The following ACOX3 variants were observed in gnomAD, a reference collection of about 807,000 sequenced individuals.
ACOX3 encodes peroxisomal acyl-coenzyme A oxidase 3.
A neutral mutation model predicts 81.5 loss-of-function variants in ACOX3; 73 were observed. That is an observed-to-expected ratio of 0.90 (90% CI 0.74 to 1.09). The LOEUF (loss-of-function observed/expected upper bound fraction) is 1.09. Ranked by LOEUF, ACOX3 falls within the 50% of genes least tolerant of loss-of-function variation. The pLI, the probability that ACOX3 is intolerant of heterozygous loss-of-function variation, is 0.00. For missense variants in ACOX3, 947 were observed against 928.0 expected (o/e 1.02, Z -0.27); for synonymous variants, 387 against 375.1 (o/e 1.03, Z -0.37).
rs1260061505 is a variant in ACOX3, at chr4:8,375,048, G to T, written c.1758C>A (p.Ala586=). Residue 586 remains alanine (A), a synonymous_variant, in exon 15 of 18, where the codon GCC becomes GCA. Transcript: ENST00000356406. ...HQPSVPPSLR[A]VLGRLSALYA... is the part of the protein sequence containing the mutation. ...ACAGAGCACTGAGCCGCCCCAGCAC[G>T]GCCCGCAGCGAGGGCGGCACGGAAG... is the stretch of plus-strand genomic sequence containing the variant. 2.6e-6 allele frequency: 4 copies of T among 1,554,798 alleles called. No individual in the cohort carries two copies. The highest frequency in any genetic ancestry group is 3.5e-6 in the Non-Finnish European group (4 of 1,148,988).
intron 7 of ACOX3, among the ~76,000 whole-genome samples, chr4:8,403,428 G>A (rs1236344885): frequency 6.6e-6 from 1 of 152,180 alleles, no homozygotes; most frequent in African/African-American, 2.4e-5. Context: ...CAGGCCGCCT[G>A]CATCACCCCG....
At position 8,426,807 on chromosome 4, in the gene ACOX3, G is replaced by A. The variant is rs142749840; in HGVS notation, c.-14-10272C>T. Among the ~76,000 whole-genome samples, 451 of 152,188 alleles carry A rather than the reference G, an allele frequency of 3.0e-3. 2 individuals are homozygous for A. The highest frequency in any genetic ancestry group is 6.0e-3 in the Admixed American group (92 of 15,290). On this transcript the variant is annotated intron_variant, in intron 1 of 17. Transcript: ENST00000356406. ...GTGAAACTACAAATGTTCTTCAAAT[G>A]GAGCCCCAGATGCAGTCCATGACTA...
chr4:8,421,781 T>A lies in ACOX3; in HGVS notation c.-14-5246A>T, dbSNP rs73087795. 6.1e-3 allele frequency among the ~76,000 whole-genome samples: 930 copies of A among 152,282 alleles called. 7 individuals carry two copies. The highest frequency in any genetic ancestry group is 0.021 in the African/African-American group (890 of 41,564). Reference sequence around the variant, plus strand: ...CAATTTAGATATACAGCTCTCGACATGGGAAGTTATGTGGGACCTACCACC... The same window carrying A: ...CAATTTAGATATACAGCTCTCGACAAGGGAAGTTATGTGGGACCTACCACC... On this transcript the variant is annotated intron_variant, in intron 1 of 17. Transcript: ENST00000356406.
At chr4:8,356,379 A>T in the ACOX3 span, 1 of 379,990 alleles carries the variant, frequency 2.6e-6, no homozygotes, top group Admixed American at 3.1e-5. Context: ...ACTGGGACCA[A>T]CTCACGCACA....
downstream of ACOX3, among the ~76,000 whole-genome samples, chr4:8,365,010 C>T (rs1715333592): frequency 6.6e-6 from 1 of 152,116 alleles, no homozygotes; most frequent in South Asian, 2.1e-4. Context: ...CTTAGAAAAG[C>T]TACAGGTCTA....
chr4:8,370,420 A>C lies in ACOX3; in HGVS notation c.1983+488T>G, dbSNP rs1442664717. 1.3e-5 allele frequency among the ~76,000 whole-genome samples: 2 copies of C among 152,044 alleles called. No individual in the cohort carries two copies. Among genetic ancestry groups the C allele is most frequent in the Non-Finnish European group, 2.9e-5 (2 of 67,982 alleles). On this transcript the variant is annotated intron_variant, in intron 17 of 17. Transcript: ENST00000356406. The surrounding 1 kb of genome is among the most constrained non-coding windows in gnomAD (Gnocchi z 6.3). ...GGGGCAGGAGGAGAGCTGAGGAGCC[A>C]CAGGGAGGCGGTTGGGGGAAAGCGG...
intron 16 of ACOX3, among the ~76,000 whole-genome samples, chr4:8,373,283 A>G (rs1668256762): frequency 6.6e-6 from 1 of 151,818 alleles, no homozygotes; most frequent in South Asian, 2.1e-4. Context: ...TTTACTAAAC[A>G]CTGAACACAC....
rs748555629 is a variant in ACOX3 at position 8,405,925 on chromosome 4, G to C, written c.776+30C>G. 2 of 1,600,990 alleles carry C rather than the reference G, an allele frequency of 1.2e-6. No homozygotes were observed. Among genetic ancestry groups the C allele is most frequent in the South Asian group, 2.2e-5 (2 of 90,840 alleles). ...AACGCAGCCTGGGCCTTGGCAGGAA[G>C]CTCAGGGCTCAGCAGCCTCTGTCAC... is the stretch of plus-strand genomic sequence containing the variant. On this transcript the variant is annotated intron_variant, in intron 7 of 17. Transcript: ENST00000356406. This position sits in a 1 kb window ranked among gnomAD's most constrained non-coding sequence, Gnocchi z 7.1.
At chr4:8,369,532 C>T (rs1421304467) in intron 17 of ACOX3, among the ~76,000 whole-genome samples, 1 of 152,170 alleles carries the variant, frequency 6.6e-6, no homozygotes, top group Non-Finnish European at 1.5e-5. Context: ...GGACAGCAGG[C>T]CCTCTGCAGA....
chr4:8,387,919 C>G (rs1322391888), intron 13 of ACOX3, among the ~76,000 whole-genome samples: 1 of 152,210 alleles, frequency 6.6e-6, no homozygotes, highest in East Asian at 1.9e-4. Flanking sequence ...GTCCCAGCCG[C>G]CTCTCACCTC....
rs1012249601 is a variant in ACOX3, at chr4:8,389,349, G to A, written c.1424-63C>T. ...GAACCCAAACCATTGGGAACCCCAAGCTGGGGGCACCCCAAAGCACAGAGA... is the reference window on the plus strand; with the variant it reads ...GAACCCAAACCATTGGGAACCCCAAACTGGGGGCACCCCAAAGCACAGAGA... On this transcript the variant is annotated intron_variant, in intron 12 of 17. Transcript: ENST00000356406. The surrounding 1 kb of genome is among the most constrained non-coding windows in gnomAD (Gnocchi z 5.3). 1.3e-6 allele frequency: 2 copies of A among 1,501,514 alleles called. No individual in the cohort carries two copies. Among genetic ancestry groups the A allele is most frequent in the Non-Finnish European group, 1.8e-6 (2 of 1,096,870 alleles). The allele number at this position is 1,501,514 out of a possible 1,614,324, so 93.0% of individuals were successfully genotyped here. A position where few individuals can be genotyped will look rare whatever the true frequency, so the allele number is the denominator to read the frequency against.
chr4:8,393,546 A>G (rs1429535815), intron 10 of ACOX3, among the ~76,000 whole-genome samples: 4 of 150,692 alleles, frequency 2.7e-5, no homozygotes, highest in Non-Finnish European at 4.4e-5. Flanking sequence ...AGAGTAAAAG[A>G]AGAATTTTTA....
In ACOX3 at chr4:8,382,347, C is replaced by T. The variant is rs28477763; in HGVS notation, c.1538-740G>A. ...CCAGAGCTGGCCTCCCACAGTACTC[C>T]GTATGGACCAGGCATGGTCCTGAGA... On this transcript the variant is annotated intron_variant, in intron 13 of 17. Coordinates refer to ENST00000356406, the MANE Select transcript of ACOX3 (RefSeq NM_003501.3). This position sits in a 1 kb window ranked among gnomAD's most constrained non-coding sequence, Gnocchi z 4.1. Among the ~76,000 whole-genome samples the T allele has an allele frequency of 0.022, 3,324 of 152,292 alleles. 135 individuals are homozygous for T. The highest frequency in any genetic ancestry group is 0.075 in the African/African-American group (3,102 of 41,548).
intron 6 of ACOX3, among the ~76,000 whole-genome samples, chr4:8,408,991 G>A (rs941551258): frequency 6.6e-6 from 1 of 150,438 alleles, no homozygotes; most frequent in Non-Finnish European, 1.5e-5. Context: ...GCTGCTTTCT[G>A]CTGCAGAGCT....
At chr4:8,363,214 A>C (rs1393812556), downstream of ACOX3, among the ~76,000 whole-genome samples, 2 of 152,234 alleles carry the variant, frequency 1.3e-5, no homozygotes, top group African/African-American at 4.8e-5. Context: ...GCCCCATGTC[A>C]GCTTAGTTCC....
chr4:8,429,421 C>T (rs1226879373), intron 1 of ACOX3, among the ~76,000 whole-genome samples: 3 of 152,170 alleles, frequency 2.0e-5, no homozygotes, highest in Non-Finnish European at 4.4e-5. Flanking sequence ...GTAAACAGTT[C>T]CAGGTGCAGG....
rs1284813705 is a variant in ACOX3, at chr4:8,405,296, A to T, written c.776+659T>A. On this transcript the variant is annotated intron_variant, in intron 7 of 17. Transcript: ENST00000356406. This position sits in a 1 kb window ranked among gnomAD's most constrained non-coding sequence, Gnocchi z 7.1. ...CTCCACCTGAAACGCTGCACATTCC[A>T]AAATCACTGGCCACTTCTCCCCGGC... Among the ~76,000 whole-genome samples the T allele has an allele frequency of 6.6e-6, 1 of 152,090 alleles. No individual in the cohort carries two copies. Among genetic ancestry groups the T allele is most frequent in the Non-Finnish European group, 1.5e-5 (1 of 68,008 alleles).
At position 8,366,878 on chromosome 4, in the gene ACOX3, G is replaced by A. The variant is rs1430785608; in HGVS notation, c.*83C>T. On this transcript the variant is annotated 3_prime_UTR_variant, in exon 18 of 18. Transcript: ENST00000356406. ...TCAGAAAGCAGCAGCAATCTCCGGC[G>A]TGTTCTGGAATCAGAAGTTGAGGTC... The A allele has an allele frequency of 1.5e-5, 24 of 1,552,750 alleles. No homozygotes were observed. Among genetic ancestry groups the A allele is most frequent in the Admixed American group, 3.4e-5 (2 of 58,564 alleles).
intron 1 of ACOX3, among the ~76,000 whole-genome samples, chr4:8,418,458 C>CAAA (rs765799961): frequency 2.4e-4 from 12 of 49,712 alleles, no homozygotes; most frequent in African/African-American, 6.6e-4. Context: ...GACTCCATCT[C>CAAA]AAAAAAAAAA....
Sources: gnomAD v4.1 joint callset for allele counts (sites outside exome capture counted in the v4.1 genomes callset) on GRCh38, gnomAD v4.1.1 for gene constraint, Gnocchi (gnomAD v3.1) non-coding constraint, MANE v1.5 for transcripts, NCBI Gene and HGNC (gene_info 2026-07-23, HGNC 2026-07-21) for gene names.